Variants in PRMT7 observed in about 807,000 individuals in gnomAD.
PRMT7 encodes protein arginine N-methyltransferase 7.
PRMT7 carries 75 observed loss-of-function variants against 85.4 expected under a neutral mutation model. The observed-to-expected ratio is 0.88, with a 90% confidence interval of 0.73 to 1.06. The LOEUF (loss-of-function observed/expected upper bound fraction) is 1.06. PRMT7 is among the 50% of genes least tolerant of loss of function. The pLI, the probability that PRMT7 is intolerant of heterozygous loss-of-function variation, is 0.00. For synonymous variants in PRMT7, 397 were observed against 359.5 expected (o/e 1.10, Z -1.18); for missense variants, 868 against 915.2 (o/e 0.95, Z 0.67).
chr16:68,328,983 A>G, intron 5 of PRMT7, 83 bp from the exon 6 acceptor site: 1 of 908,916 alleles, frequency 1.1e-6, no homozygotes, highest in Non-Finnish European at 1.8e-6. Context: ...ACCAGAATCA[A>G]GGAATAGCTT....
intron 6 of PRMT7, among the ~76,000 whole-genome samples, chr16:68,333,355 C>T (rs2084184709): frequency 6.6e-6 from 1 of 151,916 alleles, no homozygotes; most frequent in East Asian, 1.9e-4. Context: ...GTGGTGCATG[C>T]CTGTAATCCC....
rs2088714578 is a variant in PRMT7, at chr16:68,357,118, C to G, written c.1973C>G (p.Pro658Arg). The G allele has an allele frequency of 6.2e-7, 1 of 1,613,828 alleles. No homozygotes were observed. The highest frequency in any genetic ancestry group is 1.7e-5 in the Admixed American group (1 of 59,988). Residue 658 changes from proline (P) to arginine (R), a missense_variant, in exon 19 of 19, where the codon CCC (proline) becomes CGC (arginine). By Grantham distance (103) the Pro-to-Arg change is moderately radical. Coordinates refer to ENST00000441236, the MANE Select transcript of PRMT7 (RefSeq NM_019023.5). ...AVYFFSPAPD[P>R]RALLGGPRTV... Reference sequence around the variant, plus strand: ...TACTTCTTCAGCCCTGCCCCAGATCCCAGAGCACTGCTGGGTGGCCCACGG... The same window carrying G: ...TACTTCTTCAGCCCTGCCCCAGATCGCAGAGCACTGCTGGGTGGCCCACGG...
At chr16:68,318,822 A>T (rs1225427190) in intron 3 of PRMT7, 1 of 152,252 alleles carries the variant, frequency 6.6e-6, no homozygotes, top group Non-Finnish European at 1.5e-5. Context: ...TGTGAGCCAC[A>T]GTGTCAGGCC....
intron 2 of PRMT7, among the ~76,000 whole-genome samples, 195 bp downstream of exon 2, chr16:68,312,371 TA>T (rs1383634820): frequency 3.3e-5 from 5 of 151,860 alleles, no homozygotes; most frequent in African/African-American, 9.7e-5. Context: ...TAACTGGGAC[TA>T]CAGGCACAGG....
chr16:68,328,570 A>G (rs1398294392), intron 5 of PRMT7: 3 of 160,100 alleles, frequency 1.9e-5, no homozygotes, highest in Non-Finnish European at 2.8e-5. Context: ...TGAGGTTTCA[A>G]GCATCCACCA....
intron 9 of PRMT7, among the ~76,000 whole-genome samples, chr16:68,341,350 C>T (rs1316072660): frequency 6.6e-6 from 1 of 152,172 alleles, no homozygotes; most frequent in African/African-American, 2.4e-5. Flanking sequence ...CCAGCCACAC[C>T]ACGTGGGGGA....
chr16:68,333,481 CAAA>C (rs892258971), intron 6 of PRMT7, among the ~76,000 whole-genome samples: 22 of 90,868 alleles, frequency 2.4e-4, no homozygotes, highest in African/African-American at 5.3e-4. Flanking sequence ...AATTCTGGCT[CAAA>C]AAAAAAAAAA....
chr16:68,355,535 C>T, intron 16 of PRMT7, 188 bp from the exon 17 acceptor site: 1 of 512,440 alleles, frequency 2.0e-6, no homozygotes, highest in Non-Finnish European at 3.2e-6. Flanking sequence ...GCCAGCGGTG[C>T]CTGGGGAGCC....
At position 68,313,683 on chromosome 16, in the gene PRMT7, T is replaced by C. The variant is rs565356992; in HGVS notation, c.-84+1507T>C. 2.6e-5 allele frequency among the ~76,000 whole-genome samples: 4 copies of C among 152,374 alleles called. No homozygotes were observed. The South Asian group carries it at 8.3e-4, about 32-fold the overall frequency. ...CAGATTCTGACAGTTCTAGATATTC[T>C]GTCTGTAAAATAAATGTTAGTACAT... On this transcript the variant is annotated intron_variant, in intron 2 of 18. Coordinates refer to ENST00000441236, the MANE Select transcript of PRMT7 (RefSeq NM_019023.5).
rs2088800523 is a variant in PRMT7 at position 68,357,465 on chromosome 16, CT to C, written c.*242del. The C allele has an allele frequency of 2.0e-6, 1 of 494,530 alleles. No individual in the cohort carries two copies. The highest frequency in any genetic ancestry group is 3.5e-6 in the Non-Finnish European group (1 of 281,936). 30.6% of individuals were successfully genotyped at this position (494,530 alleles called of 1,614,324 possible). Reference sequence around the variant, plus strand: ...CCCTGGAGGGGCTGGGAAGACCCCCCTGCTTGTGCTTCTGAGGTGCTGAGAA... The same window carrying C: ...CCCTGGAGGGGCTGGGAAGACCCCCCGCTTGTGCTTCTGAGGTGCTGAGAA... On this transcript the variant is annotated 3_prime_UTR_variant, in exon 19 of 19. Transcript: ENST00000441236.
At chr16:68,321,758 C>G (rs767380062) in intron 4 of PRMT7, 7 of 285,826 alleles carry the variant, frequency 2.4e-5, no homozygotes, top group Admixed American at 5.1e-5. Context: ...ATTAACAAAT[C>G]TACCGCCTCA....
rs369694606 is a variant in PRMT7, at chr16:68,347,265, G to A, written c.1246G>A (p.Val416Met). Residue 416 changes from valine to methionine, a missense_variant, in exon 12 of 19, where the codon GTG becomes ATG. Coordinates refer to ENST00000441236, the MANE Select transcript of PRMT7 (RefSeq NM_019023.5). ...LCVSDGSLLS[V>M]LAHHLGVEQV... Reference sequence around the variant, plus strand: ...TGTCAGCGATGGCAGCCTGCTCTCCGTGCTGGCCCATCACCTGGGGGTGGA... The same window carrying A: ...TGTCAGCGATGGCAGCCTGCTCTCCATGCTGGCCCATCACCTGGGGGTGGA... 1.1e-4 allele frequency: 168 copies of A among 1,551,818 alleles called. No individual in the cohort carries two copies. The Middle Eastern group carries it at 3.2e-3, about 29-fold the overall frequency.
intron 9 of PRMT7, among the ~76,000 whole-genome samples, chr16:68,340,669 A>G (rs2085387263): frequency 6.6e-6 from 1 of 152,246 alleles, no homozygotes; most frequent in African/African-American, 2.4e-5. Context: ...ACAGTTTGCA[A>G]GCACACTGTT....
chr16:68,340,392 G>A (rs1316681883), intron 9 of PRMT7, among the ~76,000 whole-genome samples: 1 of 152,144 alleles, frequency 6.6e-6, no homozygotes, highest in Non-Finnish European at 1.5e-5. Context: ...AAATACAGAT[G>A]ATGGGGATAG....
chr16:68,353,347 G>A (rs2087702053), intron 15 of PRMT7, 145 bp from the exon 16 acceptor site: 8 of 1,473,088 alleles, frequency 5.4e-6, no homozygotes, highest in Non-Finnish European at 7.2e-6. Context: ...AAACCGTTGT[G>A]GATCTTTGTT....
At chr16:68,342,934 G>C (rs1374454264) in intron 9 of PRMT7, among the ~76,000 whole-genome samples, 1 of 152,136 alleles carries the variant, frequency 6.6e-6, no homozygotes, top group East Asian at 1.9e-4. Flanking sequence ...ACTTTTGGCC[G>C]GTGGCTCACT....
chr16:68,355,574 G>A, intron 16 of PRMT7, 149 bp from the exon 17 acceptor site: 1 of 751,844 alleles, frequency 1.3e-6, no homozygotes, highest in Non-Finnish European at 1.9e-6. Flanking sequence ...GCAGAGAGGG[G>A]GCGCCGCTGG....
chr16:68,357,440 C>T lies in PRMT7; in HGVS notation c.*216C>T. On this transcript the variant is annotated 3_prime_UTR_variant, in exon 19 of 19. Transcript: ENST00000441236. The stretch of plus-strand genomic sequence containing the variant: ...CATGAGAGGGTGACTGAATTTGGAG[C>T]CCTGGAGGGGCTGGGAAGACCCCCC... The T allele has an allele frequency of 1.8e-6, 1 of 551,136 alleles. No homozygotes were observed. Among genetic ancestry groups the T allele is most frequent in the Admixed American group, 3.7e-5 (1 of 26,862 alleles). The allele number at this position is 551,136 out of a possible 1,614,324, so 34.1% of individuals were successfully genotyped here.
At chr16:68,343,320 G>A (rs1055730621) in intron 9 of PRMT7, among the ~76,000 whole-genome samples, 1 of 151,376 alleles carries the variant, frequency 6.6e-6, no homozygotes, top group East Asian at 1.9e-4. Flanking sequence ...TAGCCAACCC[G>A]GGACTCAGCA....
Sources: gnomAD v4.1 joint callset for allele counts (sites outside exome capture counted in the v4.1 genomes callset) on GRCh38, gnomAD v4.1.1 for gene constraint, MANE v1.5 for transcripts, NCBI Gene and HGNC (gene_info 2026-07-23, HGNC 2026-07-21) for gene names.